EXOC4: variants seen among roughly 807,000 people sequenced by gnomAD.
EXOC4 encodes exocyst complex component 4, also known as SEC8-like 1.
EXOC4 carries 71 observed loss-of-function variants against 107.2 expected under a neutral mutation model. The ratio of observed to expected loss-of-function variants is 0.66; its 90% CI spans 0.55 to 0.81. The LOEUF (loss-of-function observed/expected upper bound fraction) is 0.81. Ranked by LOEUF, EXOC4 falls within the 30% of genes least tolerant of loss-of-function variation. EXOC4 has a pLI of 0.00. For synonymous variants in EXOC4, 456 were observed against 441.2 expected, an observed-to-expected ratio of 1.03 and a Z score of -0.42; for missense variants, 1,108 against 1,189.6, an observed-to-expected ratio of 0.93 and a Z score of 1.01.
intron 7 of EXOC4, among the ~76,000 whole-genome samples, chr7:133,380,580 A>AT (rs1382299356): frequency 1.3e-5 from 2 of 152,112 alleles, no homozygotes; most frequent in Non-Finnish European, 2.9e-5. Context: ...GAAATGACTT[A>AT]TTTTTATCAT....
intron 15 of EXOC4, among the ~76,000 whole-genome samples, chr7:134,002,100 A>T (rs751368538): frequency 6.6e-6 from 1 of 152,196 alleles, no homozygotes; most frequent in Non-Finnish European, 1.5e-5. Context: ...ATTCCAGAGG[A>T]GGCTACAACC....
intron 10 of EXOC4, among the ~76,000 whole-genome samples, chr7:133,810,925 G>T (rs775912504): frequency 6.6e-6 from 1 of 152,110 alleles, no homozygotes; most frequent in East Asian, 1.9e-4. Context: ...GAGCTACCGC[G>T]CCCGGCCAGA....
chr7:133,378,193 C>A (rs775908655), intron 7 of EXOC4, among the ~76,000 whole-genome samples: 1 of 151,786 alleles, frequency 6.6e-6, no homozygotes, highest in African/African-American at 2.4e-5. Context: ...CGCCTGTAAT[C>A]CCAGCTACTC....
intron 14 of EXOC4, among the ~76,000 whole-genome samples, chr7:133,938,825 G>A (rs1202908425): frequency 6.6e-6 from 1 of 152,196 alleles, no homozygotes; most frequent in East Asian, 1.9e-4. Context: ...TATTTGTTGA[G>A]ACAGTCTCAC....
intron 12 of EXOC4, among the ~76,000 whole-genome samples, chr7:133,912,887 G>T (rs1419404756): frequency 6.6e-6 from 1 of 152,148 alleles, no homozygotes; most frequent in African/African-American, 2.4e-5. Context: ...CAGAGATTGT[G>T]ATTTACTTGG....
chr7:133,834,854 C>T (rs972753931), intron 11 of EXOC4, among the ~76,000 whole-genome samples: 3 of 152,160 alleles, frequency 2.0e-5, no homozygotes, highest in Non-Finnish European at 2.9e-5. Flanking sequence ...CAATTCCCAC[C>T]TGTTGTGGAA....
intron 1 of EXOC4, among the ~76,000 whole-genome samples, chr7:133,257,814 A>G (rs1401844008): frequency 3.3e-5 from 5 of 152,218 alleles, no homozygotes; most frequent in Non-Finnish European, 5.9e-5. Context: ...AAAATCCTTT[A>G]CTGTAGACAC....
chr7:133,799,598 C>A (rs1796890696), intron 10 of EXOC4, among the ~76,000 whole-genome samples: 1 of 152,058 alleles, frequency 6.6e-6, no homozygotes, highest in South Asian at 2.1e-4. Flanking sequence ...ATCAAATGGC[C>A]ATTATGCAGA....
At chr7:133,547,301 T>G (rs143588352) in intron 9 of EXOC4, among the ~76,000 whole-genome samples, 46 of 152,334 alleles carry the variant, frequency 3.0e-4, no homozygotes, top group African/African-American at 1.1e-3. Context: ...ATCAGCTTTA[T>G]TGATAAAAAA....
chr7:133,908,676 CA>C lies in EXOC4; in HGVS notation c.1872-8904del, dbSNP rs547791789. Among the ~76,000 whole-genome samples the C allele has an allele frequency of 8.0e-3, 1,225 of 152,228 alleles. 13 individuals carry two copies. The highest frequency in any genetic ancestry group is 0.012 in the Non-Finnish European group (818 of 68,022). On this transcript the variant is annotated intron_variant, in intron 12 of 17. Coordinates refer to ENST00000253861, the MANE Select transcript of EXOC4 (RefSeq NM_021807.4). ...GTGAGGATTAAAAGTTTATATATGC[CA>C]AATGCTCAGAAGAATGCATAGCTCA...
intron 14 of EXOC4, among the ~76,000 whole-genome samples, chr7:133,959,616 G>T (rs1800894803): frequency 6.6e-6 from 1 of 151,700 alleles, no homozygotes; most frequent in African/African-American, 2.4e-5. Flanking sequence ...GGACCCAGTG[G>T]ATGAAAACAG....
At position 133,475,312 on chromosome 7, in the gene EXOC4, T is replaced by A. The variant is rs1229745038; in HGVS notation, c.1183-16T>A. 2.5e-6 allele frequency: 4 copies of A among 1,587,696 alleles called. 1 individual carries two copies. In the South Asian group the frequency reaches 3.5e-5, roughly 14 times the overall value. On this transcript the variant is annotated splice_polypyrimidine_tract_variant and intron_variant, in intron 7 of 17. Coordinates refer to ENST00000253861, the MANE Select transcript of EXOC4 (RefSeq NM_021807.4). ...AATGTGTATATTAACATTAACTGAT[T>A]TATCTGGTTGTACAGATGCTATTAA...
chr7:133,488,546 G>A (rs1211432802), intron 9 of EXOC4, among the ~76,000 whole-genome samples: 2 of 152,090 alleles, frequency 1.3e-5, no homozygotes, highest in African/African-American at 4.8e-5. Flanking sequence ...GAAGAGGACA[G>A]ACCAGTCAAT....
At chr7:133,817,277 A>G in intron 10 of EXOC4, 48 bp from the exon 11 acceptor site, 1 of 1,356,256 alleles carries the variant, frequency 7.4e-7, no homozygotes, top group Non-Finnish European at 1.0e-6. Flanking sequence ...GTATTTATAT[A>G]ACATTTTCCT....
intron 5 of EXOC4, among the ~76,000 whole-genome samples, chr7:133,354,980 C>T (rs1379629360): frequency 3.3e-5 from 5 of 152,084 alleles, no homozygotes; most frequent in African/African-American, 1.2e-4. Flanking sequence ...CAGAATCCTC[C>T]TTAAGAGCGT....
intron 10 of EXOC4, among the ~76,000 whole-genome samples, chr7:133,719,632 T>C (rs1795066137): frequency 6.6e-6 from 1 of 151,682 alleles, no homozygotes; most frequent in Non-Finnish European, 1.5e-5. Flanking sequence ...GGCTTAGCAT[T>C]GCAAAAAAGA....
chr7:133,605,640 A>G (rs1201691561), intron 9 of EXOC4, among the ~76,000 whole-genome samples: 1 of 152,202 alleles, frequency 6.6e-6, no homozygotes, highest in East Asian at 1.9e-4. Flanking sequence ...CAGGTGGGTC[A>G]GAGTTTGTTT....
At chr7:133,970,140 A>G (rs1337167615) in intron 14 of EXOC4, among the ~76,000 whole-genome samples, 2 of 152,094 alleles carry the variant, frequency 1.3e-5, no homozygotes, top group African/African-American at 4.8e-5. Flanking sequence ...CTTTGTTTAC[A>G]CTGTGAGGGG....
At chr7:133,761,070 C>T (rs901427702) in intron 10 of EXOC4, among the ~76,000 whole-genome samples, 3 of 152,084 alleles carry the variant, frequency 2.0e-5, no homozygotes, top group Admixed American at 2.0e-4. Context: ...GCAAACAAAC[C>T]GATAAATTAA....
Sources: gnomAD v4.1 joint callset for allele counts (sites outside exome capture counted in the v4.1 genomes callset) on GRCh38, gnomAD v4.1.1 for gene constraint, MANE v1.5 for transcripts, NCBI Gene and HGNC (gene_info 2026-07-23, HGNC 2026-07-21) for gene names.